COL4A2: variants seen among roughly 807,000 people sequenced by gnomAD.
COL4A2 encodes the protein collagen type IV alpha 2 chain, also known as collagen alpha-2(IV) chain.
Under a neutral mutation model 200.2 loss-of-function variants are expected in COL4A2, and 99 were observed. The ratio of observed to expected loss-of-function variants is 0.49; its 90% confidence interval spans 0.42 to 0.58. COL4A2 has a LOEUF of 0.58. Among genes scored for constraint, COL4A2 ranks in the 20% least tolerant of loss-of-function variants. The pLI is 0.00. For missense variants in COL4A2, 1,950 were observed against 2,314.1 expected, an observed-to-expected ratio of 0.84 and a Z score of 3.23; for synonymous variants, 897 against 900.6, an observed-to-expected ratio of 1.00 and a Z score of 0.07.
intron 45 of COL4A2, among the ~76,000 whole-genome samples, chr13:110,505,843 G>C (rs956243532): frequency 4.6e-5 from 7 of 152,278 alleles, no homozygotes; most frequent in African/African-American, 9.6e-5. Flanking sequence ...TACTCCTCCG[G>C]ACACTTCCAA....
chr13:110,397,687 G>C (rs1442552526), intron 4 of COL4A2, among the ~76,000 whole-genome samples: 1 of 152,176 alleles, frequency 6.6e-6, no homozygotes, highest in East Asian at 1.9e-4. Context: ...ATCTGAGACG[G>C]GCGTGTCAGC....
chr13:110,338,399 A>G (rs1457962200), intron 3 of COL4A2, among the ~76,000 whole-genome samples: 1 of 148,488 alleles, frequency 6.7e-6, no homozygotes, highest in Non-Finnish European at 1.5e-5. Flanking sequence ...GCCAACTATT[A>G]AAACTAGGAG....
chr13:110,402,220 T>A (rs1879395940), intron 4 of COL4A2, among the ~76,000 whole-genome samples: 2 of 152,202 alleles, frequency 1.3e-5, no homozygotes, highest in Admixed American at 6.5e-5. Context: ...CCAGGTATGA[T>A]TGATCCTGAG....
chr13:110,493,367 G>A, intron 39 of COL4A2, 85 bp downstream of exon 39: 1 of 1,400,374 alleles, frequency 7.1e-7, no homozygotes, highest in East Asian at 2.3e-5. Flanking sequence ...CCAGACTTCA[G>A]GGAATGGAGG....
At chr13:110,364,391 A>G (rs868235817) in intron 4 of COL4A2, among the ~76,000 whole-genome samples, 1 of 152,168 alleles carries the variant, frequency 6.6e-6, no homozygotes, top group African/African-American at 2.4e-5. Flanking sequence ...ATTATCTATC[A>G]AATCCTCAAT....
At chr13:110,347,269 C>A (rs4771667) in intron 3 of COL4A2, among the ~76,000 whole-genome samples, 151,866 of 152,236 alleles carry the variant, frequency 1, 75,749 homozygotes, top group Middle Eastern at 1. Flanking sequence ...CTGGGCTTCA[C>A]CTCTCATTCA....
intron 12 of COL4A2, chr13:110,436,052 A>G (rs2139464217): frequency 2.8e-6 from 2 of 711,790 alleles, no homozygotes; most frequent in East Asian, 2.6e-5. Context: ...CATGGCTTTT[A>G]TGCATAAATT....
At chr13:110,352,548 T>C (rs1877009051) in intron 3 of COL4A2, among the ~76,000 whole-genome samples, 6 of 152,220 alleles carry the variant, frequency 3.9e-5, no homozygotes, top group Admixed American at 3.3e-4. Context: ...TCAGTGATCA[T>C]GAGTGAATGA....
chr13:110,327,705 A>G (rs1875692662), intron 3 of COL4A2, among the ~76,000 whole-genome samples: 1 of 152,088 alleles, frequency 6.6e-6, no homozygotes, highest in Admixed American at 6.6e-5. Flanking sequence ...GAAGCATTAA[A>G]ATCCCCCCAA....
At chr13:110,419,928 A>T (rs1183874672) in intron 4 of COL4A2, among the ~76,000 whole-genome samples, 3 of 152,186 alleles carry the variant, frequency 2.0e-5, no homozygotes, top group Non-Finnish European at 4.4e-5. Flanking sequence ...CCCCAACTCC[A>T]TGCTTAAGAG....
At chr13:110,503,097 C>T (rs1883707870) in intron 41 of COL4A2, 24 bp from the exon 42 acceptor site, 1 of 1,610,566 alleles carries the variant, frequency 6.2e-7, no homozygotes, top group Non-Finnish European at 8.5e-7. Flanking sequence ...TTAAACCCTC[C>T]TTTCTTGTCC....
At chr13:110,389,362 A>G (rs138348135) in intron 4 of COL4A2, among the ~76,000 whole-genome samples, 213 of 152,316 alleles carry the variant, frequency 1.4e-3, no homozygotes, top group African/African-American at 5.0e-3. Flanking sequence ...GTAAAGCACC[A>G]TCACCCTTCT....
chr13:110,427,389 A>T (rs1275092090), intron 6 of COL4A2, among the ~76,000 whole-genome samples: 1 of 152,138 alleles, frequency 6.6e-6, no homozygotes, highest in Non-Finnish European at 1.5e-5. Flanking sequence ...GCCTCAAGTG[A>T]TCCACCTGCC....
chr13:110,438,185 ATTTT>A lies in COL4A2; in HGVS notation c.861+150_861+153del. 6.2e-6 allele frequency: 4 copies of A among 648,658 alleles called. No homozygotes were observed. The South Asian group carries it at 7.6e-5, about 12-fold the overall frequency. The allele number at this position is 648,658 out of a possible 1,614,324, so 40.2% of individuals were successfully genotyped here. A position where few individuals can be genotyped will look rare whatever the true frequency, so the allele number is the denominator to read the frequency against. On this transcript the variant is annotated intron_variant, in intron 14 of 47. Coordinates refer to ENST00000360467, the MANE Select transcript of COL4A2 (RefSeq NM_001846.4). ...CCATAGCAGAACAGTATTAGCATGC[ATTTT>A]TACACTGTATTTTAAGAAGTCAGTT...
At chr13:110,385,539 GCCGTGGTTGCAGTGTGTGGATAGA>G (rs1566505074) in intron 4 of COL4A2, among the ~76,000 whole-genome samples, 6 of 21,974 alleles carry the variant, frequency 2.7e-4, no homozygotes, top group African/African-American at 8.2e-4. Flanking sequence ...GCGTGGATAG[GCCGTGGTTGCAGTGTGTGGATAGA>G]CCGTGGCTGC....
intron 3 of COL4A2, among the ~76,000 whole-genome samples, chr13:110,348,929 C>A (rs1012417466): frequency 6.6e-6 from 1 of 152,126 alleles, no homozygotes; most frequent in East Asian, 1.9e-4. Context: ...ACAAAATATT[C>A]TTTGTTTTGG....
rs987455253 is a variant in COL4A2, at chr13:110,323,559, A to G, written c.99+15436A>G. 2.6e-5 allele frequency among the ~76,000 whole-genome samples: 4 copies of G among 152,254 alleles called. No homozygotes were observed. In the South Asian group the frequency reaches 6.2e-4, roughly 24 times the overall value. On this transcript the variant is annotated intron_variant, in intron 3 of 47. Transcript: ENST00000360467. Reference sequence around the variant, plus strand: ...CCACAGGCTCCTCTCCTAGACAGACAGAGCATGCAGGATGCCCAGTGCCAG... The same window carrying G: ...CCACAGGCTCCTCTCCTAGACAGACGGAGCATGCAGGATGCCCAGTGCCAG...
intron 3 of COL4A2, among the ~76,000 whole-genome samples, chr13:110,316,512 A>G (rs1885132989): frequency 6.6e-6 from 1 of 152,196 alleles, no homozygotes; most frequent in Non-Finnish European, 1.5e-5. Context: ...CTGGCTCCAG[A>G]TTAGGTGAAA....
intron 4 of COL4A2, among the ~76,000 whole-genome samples, chr13:110,418,093 G>A (rs2139447220): frequency 1.3e-5 from 2 of 152,272 alleles, no homozygotes; most frequent in South Asian, 4.1e-4. Context: ...GTCCATCACA[G>A]TTATATCTCT....
Sources: allele counts gnomAD v4.1 joint callset (sites outside exome capture counted in the v4.1 genomes callset), GRCh38; gene constraint gnomAD v4.1.1; transcripts MANE v1.5; gene names NCBI Gene and HGNC (gene_info 2026-07-23, HGNC 2026-07-21).